Variants in GRIK2 observed in about 807,000 individuals in gnomAD.
GRIK2 encodes glutamate ionotropic receptor kainate type subunit 2.
In GRIK2, 32 loss-of-function variants were observed where a neutral mutation model predicts 100.3. The observed-to-expected ratio is 0.32, with a 90% CI of 0.24 to 0.43. GRIK2 has a LOEUF of 0.43. Among genes scored for constraint, GRIK2 ranks in the 20% least tolerant of loss-of-function variants. The probability of loss-of-function intolerance (pLI) is 1.00; values close to 1 mark genes in which losing one functional copy is unlikely to be tolerated. For missense variants in GRIK2, 843 were observed against 1,114.9 expected (o/e 0.76, Z 3.47); for synonymous variants, 417 against 389.4 (o/e 1.07, Z -0.83).
chr6:101,672,251 A>G (rs1049014967), intron 4 of GRIK2, among the ~76,000 whole-genome samples: 1 of 152,144 alleles, frequency 6.6e-6, no homozygotes, highest in African/African-American at 2.4e-5. Flanking sequence ...CATTTTTTAA[A>G]AAGTGCTTAC....
At chr6:102,015,405 C>T (rs903463727) in intron 14 of GRIK2, among the ~76,000 whole-genome samples, 2 of 152,098 alleles carry the variant, frequency 1.3e-5, no homozygotes, top group Admixed American at 1.3e-4. Context: ...CCACTCTGTG[C>T]CTTTTAACTA....
intron 14 of GRIK2, among the ~76,000 whole-genome samples, chr6:101,984,614 AACACACACACACACACAC>A (rs10678285): frequency 1.5e-5 from 2 of 129,158 alleles, no homozygotes; most frequent in Admixed American, 8.1e-5. Context: ...TACACATTAA[AACACACACACACACACAC>A]ACACACACAC....
intron 2 of GRIK2, among the ~76,000 whole-genome samples, chr6:101,411,673 G>A (rs1775889589): frequency 6.6e-6 from 1 of 152,104 alleles, no homozygotes; most frequent in Admixed American, 6.6e-5. Context: ...ATGAGTAAAT[G>A]TTGTAGATAA....
intron 2 of GRIK2, among the ~76,000 whole-genome samples, chr6:101,462,744 T>G (rs1771396873): frequency 1.3e-5 from 2 of 152,102 alleles, no homozygotes; most frequent in African/African-American, 4.8e-5. Context: ...AGGGCTGCTG[T>G]CCAAGGGAAC....
intron 14 of GRIK2, among the ~76,000 whole-genome samples, chr6:101,952,872 C>G (rs370499322): frequency 6.6e-6 from 1 of 152,088 alleles, no homozygotes; most frequent in African/African-American, 2.4e-5. Context: ...AAAGTGTCAC[C>G]ACAATAATTT....
chr6:101,428,410 A>G (rs931669111), intron 2 of GRIK2, among the ~76,000 whole-genome samples: 1 of 152,216 alleles, frequency 6.6e-6, no homozygotes, highest in Non-Finnish European at 1.5e-5. Context: ...GGATTTTGTC[A>G]GTCAGTTGCC....
At chr6:101,729,230 A>G (rs1775085953) in intron 7 of GRIK2, among the ~76,000 whole-genome samples, 1 of 152,028 alleles carries the variant, frequency 6.6e-6, no homozygotes, top group Non-Finnish European at 1.5e-5. Flanking sequence ...AGCATCAGTA[A>G]CATGGATCAG....
intron 4 of GRIK2, among the ~76,000 whole-genome samples, chr6:101,646,846 T>C (rs1240282898): frequency 1.3e-5 from 2 of 151,860 alleles, no homozygotes; most frequent in African/African-American, 4.8e-5. Flanking sequence ...AAAGGAGAGA[T>C]GAACAGAGTT....
chr6:101,789,753 G>A (rs1473251765), intron 7 of GRIK2, among the ~76,000 whole-genome samples: 1 of 152,172 alleles, frequency 6.6e-6, no homozygotes, highest in African/African-American at 2.4e-5. Flanking sequence ...AAAGTCATTG[G>A]TAGATTGATG....
At chr6:101,520,415 A>C (rs113412795) in intron 2 of GRIK2, among the ~76,000 whole-genome samples, 2 of 151,148 alleles carry the variant, frequency 1.3e-5, no homozygotes, top group Non-Finnish European at 2.9e-5. Flanking sequence ...AAGCCTCAGA[A>C]ATAATATGTA....
chr6:101,926,677 T>A (rs896793251), intron 13 of GRIK2, among the ~76,000 whole-genome samples: 6 of 152,158 alleles, frequency 3.9e-5, no homozygotes, highest in African/African-American at 1.4e-4. Context: ...TGCTGGTGGA[T>A]ACATGAAAGA....
chr6:101,698,215 G>C (rs1339437775), intron 7 of GRIK2, among the ~76,000 whole-genome samples: 1 of 151,808 alleles, frequency 6.6e-6, no homozygotes, highest in Admixed American at 6.6e-5. Flanking sequence ...ACATTAGAAA[G>C]GCAAATTTTA....
intron 2 of GRIK2, among the ~76,000 whole-genome samples, chr6:101,422,069 C>G (rs1368211124): frequency 6.6e-6 from 1 of 152,102 alleles, no homozygotes; most frequent in Non-Finnish European, 1.5e-5. Context: ...TTATTCTGGC[C>G]TTGTTATAGG....
intron 2 of GRIK2, among the ~76,000 whole-genome samples, chr6:101,515,249 T>C (rs1285775123): frequency 6.6e-6 from 1 of 152,104 alleles, no homozygotes; most frequent in East Asian, 1.9e-4. Flanking sequence ...TATGGCTGTA[T>C]AGGATTCCAT....
At chr6:101,639,619 CATACAT>C (rs1781191492) in intron 4 of GRIK2, among the ~76,000 whole-genome samples, 1 of 152,090 alleles carries the variant, frequency 6.6e-6, no homozygotes, top group Non-Finnish European at 1.5e-5. Context: ...TACATACATA[CATACAT>C]ACACACAGTT....
intron 7 of GRIK2, among the ~76,000 whole-genome samples, chr6:101,781,803 C>T (rs1779112918): frequency 6.6e-6 from 1 of 151,554 alleles, no homozygotes; most frequent in Admixed American, 6.6e-5. Flanking sequence ...CTTTTTAACC[C>T]ACCTATTATT....
chr6:101,490,698 C>G (rs548719218), intron 2 of GRIK2, among the ~76,000 whole-genome samples: 3 of 146,658 alleles, frequency 2.0e-5, no homozygotes, highest in Admixed American at 2.0e-4. Context: ...AGAAGTACTT[C>G]TCCCTATTGA....
chr6:101,879,364 CCTTTCATTCTTATGTTATCACCTACTCA>C (rs1786087162), intron 11 of GRIK2, among the ~76,000 whole-genome samples: 1 of 151,966 alleles, frequency 6.6e-6, no homozygotes, highest in East Asian at 1.9e-4. Flanking sequence ...ATATACCATT[CCTTTCATTCTTATGTTATCACCTACTCA>C]CTTTCTGATC....
chr6:101,415,008 G>A (rs1011485157), intron 2 of GRIK2, among the ~76,000 whole-genome samples: 1 of 80,452 alleles, frequency 1.2e-5, no homozygotes, highest in African/African-American at 6.3e-5. Context: ...GGTGTGTGGG[G>A]TGTGTGTGTG....
Sources: allele counts gnomAD v4.1 joint callset (sites outside exome capture counted in the v4.1 genomes callset), GRCh38; gene constraint gnomAD v4.1.1; transcripts MANE v1.5; gene names NCBI Gene and HGNC (gene_info 2026-07-23, HGNC 2026-07-21).